The following SVIL variants were observed in gnomAD, a reference collection of about 807,000 sequenced individuals.
SVIL encodes the protein archvillin.
Under a neutral mutation model 240.4 loss-of-function variants are expected in SVIL, and 101 were observed. The observed-to-expected ratio is 0.42, with a 90% CI of 0.36 to 0.50. SVIL has a LOEUF of 0.50. Ranked by LOEUF, SVIL falls within the 20% of genes least tolerant of loss-of-function variation. The pLI is 0.01. For missense variants in SVIL, 2,512 were observed against 2,818.7 expected, an observed-to-expected ratio of 0.89 and a Z score of 2.46; for synonymous variants, 999 against 1,100.0, an observed-to-expected ratio of 0.91 and a Z score of 1.82.
At chr10:29,666,835 C>T in intron 2 of SVIL, among the ~76,000 whole-genome samples, 1 of 152,184 alleles carries the variant, frequency 6.6e-6, no homozygotes, top group East Asian at 1.9e-4. Context: ...TCACACTGGG[C>T]ATAATATGGT....
At chr10:29,656,914 G>A (rs1959024419) in intron 3 of SVIL, among the ~76,000 whole-genome samples, 1 of 152,130 alleles carries the variant, frequency 6.6e-6, no homozygotes, top group Non-Finnish European at 1.5e-5. Flanking sequence ...ATATTCTGAT[G>A]ACACTTGTAT....
intron 3 of SVIL, among the ~76,000 whole-genome samples, chr10:29,648,661 C>T (rs545237920): frequency 2.3e-4 from 35 of 152,220 alleles, no homozygotes. Context: ...ATCAAAGTGC[C>T]CTTTAGCACG....
At chr10:29,655,902 G>A (rs544076785) in intron 3 of SVIL, among the ~76,000 whole-genome samples, 1 of 124,494 alleles carries the variant, frequency 8.0e-6, no homozygotes, top group East Asian at 2.5e-4. Context: ...TGTTTCTTTT[G>A]GAGTTTTGCT....
chr10:29,488,474 C>G (rs1351584113), intron 23 of SVIL, 127 bp downstream of exon 23: 1 of 1,147,934 alleles, frequency 8.7e-7, no homozygotes, highest in African/African-American at 1.6e-5. Context: ...AAGGAACACA[C>G]AATAAGTTCT....
chr10:29,512,060 G>A (rs982773669), intron 17 of SVIL, among the ~76,000 whole-genome samples: 12 of 152,184 alleles, frequency 7.9e-5, no homozygotes, highest in Admixed American at 5.2e-4. Context: ...GCAATTGTAG[G>A]GCCAGCCAGC....
chr10:29,532,213 G>C (rs200741535), intron 8 of SVIL, 41 bp from the exon 9 acceptor site: 2 of 1,594,680 alleles, frequency 1.3e-6, no homozygotes, highest in South Asian at 2.3e-5. Context: ...GAAGGCAAAC[G>C]AAGACAGAGA....
At chr10:29,545,648 G>C (rs1372648742) in intron 6 of SVIL, among the ~76,000 whole-genome samples, 1 of 151,676 alleles carries the variant, frequency 6.6e-6, no homozygotes, top group Non-Finnish European at 1.5e-5. Flanking sequence ...TGAGGTCAAG[G>C]GATCAAGACC....
chr10:29,645,519 G>A (rs1442350916), intron 3 of SVIL, among the ~76,000 whole-genome samples: 3 of 152,132 alleles, frequency 2.0e-5, no homozygotes, highest in South Asian at 2.1e-4. Flanking sequence ...GCAGTGAGCC[G>A]GGATTGTGCC....
chr10:29,725,386 A>ACC (rs1964232746), intron 1 of SVIL, among the ~76,000 whole-genome samples: 1 of 152,118 alleles, frequency 6.6e-6, no homozygotes, highest in African/African-American at 2.4e-5. Flanking sequence ...ACTGGGTCTT[A>ACC]TCAGAACCAC....
intron 2 of SVIL, among the ~76,000 whole-genome samples, chr10:29,674,756 C>T (rs2133065847): frequency 6.6e-6 from 1 of 152,244 alleles, no homozygotes; most frequent in South Asian, 2.1e-4. Context: ...TTGGCAGGGC[C>T]TCATTTCTGC....
At chr10:29,668,507 T>G (rs1197242098) in intron 2 of SVIL, among the ~76,000 whole-genome samples, 1 of 152,204 alleles carries the variant, frequency 6.6e-6, no homozygotes, top group Non-Finnish European at 1.5e-5. Context: ...GAAGTCTCAC[T>G]CTGTTGCCCA....
intron 1 of SVIL, among the ~76,000 whole-genome samples, chr10:29,622,264 A>C (rs1335852010): frequency 1.3e-5 from 2 of 150,114 alleles, no homozygotes; most frequent in Non-Finnish European, 3.0e-5. Context: ...AAAAAAAAAA[A>C]AAAAAAAAAA....
Position 29,526,955 on chromosome 10 carries a change from C to A in SVIL, c.2342+6G>T. On this transcript the variant is annotated splice_donor_region_variant and intron_variant, in intron 13 of 37. Coordinates refer to ENST00000355867, the MANE Select transcript of SVIL (RefSeq NM_021738.3). ...GGTGCCGCATGCATCTGTATCTGTC[C>A]AGTACCTGGCAGGCTGCACAGCGCT... is the stretch of plus-strand genomic sequence containing the variant. The A allele has an allele frequency of 6.3e-7, 1 of 1,590,254 alleles. No homozygotes were observed. Among genetic ancestry groups the A allele is most frequent in the Non-Finnish European group, 8.5e-7 (1 of 1,171,460 alleles).
intron 17 of SVIL, among the ~76,000 whole-genome samples, chr10:29,507,558 T>TCCG (rs1564537632): frequency 2.6e-5 from 2 of 77,678 alleles, no homozygotes; most frequent in Non-Finnish European, 5.7e-5. Context: ...TACACACTCA[T>TCCG]AGATACACAC....
At chr10:29,546,107 T>A (rs899819677) in intron 6 of SVIL, among the ~76,000 whole-genome samples, 3 of 152,154 alleles carry the variant, frequency 2.0e-5, no homozygotes, top group African/African-American at 7.2e-5. Context: ...GAGCTTTGGA[T>A]TCGGAATTTC....
intron 1 of SVIL, among the ~76,000 whole-genome samples, chr10:29,624,112 C>T (rs1957772184): frequency 6.7e-6 from 1 of 149,736 alleles, no homozygotes; most frequent in Admixed American, 6.7e-5. Flanking sequence ...AGTCACAGCC[C>T]CTTTAAGAAG....
chr10:29,608,435 G>A (rs544227225), intron 1 of SVIL, among the ~76,000 whole-genome samples: 4 of 152,234 alleles, frequency 2.6e-5, no homozygotes, highest in Non-Finnish European at 4.4e-5. Flanking sequence ...ATCCCAGCAG[G>A]AGCCCTGCAC....
intron 2 of SVIL, among the ~76,000 whole-genome samples, chr10:29,659,021 C>T (rs774502986): frequency 8.5e-5 from 13 of 152,194 alleles, no homozygotes; most frequent in Non-Finnish European, 1.8e-4. Flanking sequence ...CATTTATTTT[C>T]CTCAAAGAGT....
Position 29,505,194 on chromosome 10 carries a change from C to A in SVIL, c.3517-5931G>T, listed in dbSNP as rs140167503. Among the ~76,000 whole-genome samples the A allele has an allele frequency of 9.0e-3, 1,376 of 152,074 alleles. 30 individuals carry two copies. The highest frequency in any genetic ancestry group is 0.032 in the African/African-American group (1,309 of 41,474). On this transcript the variant is annotated intron_variant, in intron 17 of 37. Transcript: ENST00000355867. Reference sequence around the variant, plus strand: ...AAAACAATTACCTGGGGTGTGGTGGCGGGCGCCTGCAATCGCAGCTACTCA... The same window carrying A: ...AAAACAATTACCTGGGGTGTGGTGGAGGGCGCCTGCAATCGCAGCTACTCA...
Sources: gnomAD v4.1 joint callset for allele counts (sites outside exome capture counted in the v4.1 genomes callset) on GRCh38, gnomAD v4.1.1 for gene constraint, MANE v1.5 for transcripts, NCBI Gene and HGNC (gene_info 2026-07-23, HGNC 2026-07-21) for gene names.